PCDHA6: variants seen among roughly 807,000 people sequenced by gnomAD.
PCDHA6 encodes the protein protocadherin alpha 6.
PCDHA6 carries 55 observed loss-of-function variants against 60.3 expected under a neutral mutation model. That is an observed-to-expected ratio of 0.91 (90% CI 0.73 to 1.14). PCDHA6 has a LOEUF of 1.14. PCDHA6 is among the 50% of genes most tolerant of loss of function. PCDHA6 has a pLI of 0.00. For missense variants in PCDHA6, 1,327 were observed against 1,256.5 expected, an observed-to-expected ratio of 1.06 and a Z score of -0.85; for synonymous variants, 652 against 557.9, an observed-to-expected ratio of 1.17 and a Z score of -2.38.
chr5:140,841,711 G>T (rs1385576183), intron 1 of PCDHA6: 3 of 1,613,772 alleles, frequency 1.9e-6, no homozygotes, highest in South Asian at 1.1e-5. Context: ...ATGACAACCC[G>T]CCAGTGTTCC....
Position 140,891,839 on chromosome 5 carries a change from T to C in PCDHA6, c.2394+61354T>C, listed in dbSNP as rs10074902. Among the ~76,000 whole-genome samples, 663 of 152,284 alleles carry C rather than the reference T, an allele frequency of 4.4e-3. 7 individuals carry two copies. The highest frequency in any genetic ancestry group is 0.015 in the African/African-American group (618 of 41,564). On this transcript the variant is annotated intron_variant, in intron 1 of 3. Coordinates refer to ENST00000529310, the MANE Select transcript of PCDHA6 (RefSeq NM_018909.4). ...TTAACGGCACTGTAAAAGGACTTGA[T>C]GGAAGGAGCCTGTCCCTCTCTTATG...
chr5:140,921,634 T>C (rs1324251436), intron 1 of PCDHA6, among the ~76,000 whole-genome samples: 1 of 152,220 alleles, frequency 6.6e-6, no homozygotes, highest in Non-Finnish European at 1.5e-5. Context: ...ATCATTATGG[T>C]AGCTATTTTA....
chr5:140,982,300 GCTT>G, intron 2 of PCDHA6, 172 bp from the exon 3 acceptor site: 2 of 1,204,624 alleles, frequency 1.7e-6, no homozygotes, highest in Non-Finnish European at 1.1e-6. Context: ...AGTCAGCAAT[GCTT>G]CTGCAGTTTA....
At chr5:140,884,152 T>G (rs1279761986) in intron 1 of PCDHA6, 7 of 1,613,332 alleles carry the variant, frequency 4.3e-6, no homozygotes, top group East Asian at 2.2e-5. Context: ...GGCTGTACAC[T>G]GGCGAGATCA....
At chr5:140,936,153 A>G (rs539421853) in intron 1 of PCDHA6, among the ~76,000 whole-genome samples, 1 of 152,284 alleles carries the variant, frequency 6.6e-6, no homozygotes, top group Admixed American at 6.5e-5. Flanking sequence ...TTGGCCTCCT[A>G]AAGTGCTGGG....
At chr5:140,910,105 T>C (rs1021391817) in intron 1 of PCDHA6, among the ~76,000 whole-genome samples, 11 of 152,202 alleles carry the variant, frequency 7.2e-5, no homozygotes, top group African/African-American at 2.7e-4. Flanking sequence ...CCCCTTCATT[T>C]AAGGGATTCT....
At chr5:140,850,495 T>A (rs2150486434) in intron 1 of PCDHA6, 3 of 1,597,906 alleles carry the variant, frequency 1.9e-6, no homozygotes, top group South Asian at 2.2e-5. Flanking sequence ...ACTGTGCTGG[T>A]GTCGCTGGTG....
chr5:140,912,064 A>G (rs1388725837), intron 1 of PCDHA6, among the ~76,000 whole-genome samples: 10 of 152,216 alleles, frequency 6.6e-5, no homozygotes, highest in Non-Finnish European at 1.0e-4. Flanking sequence ...TTGGAGTCCA[A>G]TGTTCAAGGG....
intron 1 of PCDHA6, chr5:140,871,371 G>T: frequency 6.2e-7 from 1 of 1,614,202 alleles, no homozygotes; most frequent in Non-Finnish European, 8.5e-7. Context: ...GGCGGCAGAG[G>T]GTGTGCTCTG....
intron 1 of PCDHA6, among the ~76,000 whole-genome samples, chr5:140,972,738 A>G (rs918730708): frequency 1.4e-5 from 2 of 142,600 alleles, no homozygotes; most frequent in Non-Finnish European, 3.0e-5. Context: ...ATCCCGGCTC[A>G]CTGCAACCTC....
intron 1 of PCDHA6, among the ~76,000 whole-genome samples, chr5:140,952,541 T>G (rs1554220493): frequency 6.6e-6 from 1 of 152,140 alleles, no homozygotes; most frequent in African/African-American, 2.4e-5. Flanking sequence ...CTGGACTTCT[T>G]TGTCCATTTC....
At chr5:140,887,130 T>C (rs1164233833) in intron 1 of PCDHA6, among the ~76,000 whole-genome samples, 1 of 151,716 alleles carries the variant, frequency 6.6e-6, no homozygotes, top group African/African-American at 2.4e-5. Context: ...GGAGTCTCAC[T>C]CTGTCGCCCA....
intron 1 of PCDHA6, chr5:140,876,762 G>A (rs1554168889): frequency 3.7e-6 from 6 of 1,614,252 alleles, no homozygotes; most frequent in Non-Finnish European, 5.1e-6. Flanking sequence ...CGCGGGATGG[G>A]GGCTCGCCTT....
intron 1 of PCDHA6, chr5:140,877,288 T>C (rs782747810): frequency 1.9e-6 from 3 of 1,613,908 alleles, no homozygotes; most frequent in Non-Finnish European, 2.5e-6. Context: ...CTATAACGCT[T>C]GGCTGTCCTA....
chr5:140,877,375 C>T (rs782650940), intron 1 of PCDHA6: 4 of 1,614,006 alleles, frequency 2.5e-6, no homozygotes, highest in South Asian at 1.1e-5. Flanking sequence ...CAGCACGACA[C>T]GCATCCTGGA....
chr5:140,993,949 T>C (rs1330727166), intron 3 of PCDHA6, among the ~76,000 whole-genome samples: 1 of 152,204 alleles, frequency 6.6e-6, no homozygotes, highest in Non-Finnish European at 1.5e-5. Flanking sequence ...TGTTAAGTGA[T>C]ACATGACTGT....
intron 1 of PCDHA6, among the ~76,000 whole-genome samples, chr5:140,904,556 T>A (rs1360933277): frequency 5.3e-5 from 8 of 151,780 alleles, no homozygotes; most frequent in Admixed American, 5.3e-4. Context: ...ATATAATGAC[T>A]TTTTTTTCCT....
At chr5:140,909,353 T>C (rs2074452823) in intron 1 of PCDHA6, among the ~76,000 whole-genome samples, 1 of 152,156 alleles carries the variant, frequency 6.6e-6, no homozygotes, top group Non-Finnish European at 1.5e-5. Flanking sequence ...CCAAGAGATG[T>C]GTTAATTTGT....
At chr5:140,927,668 A>T in intron 1 of PCDHA6, 1 of 1,614,208 alleles carries the variant, frequency 6.2e-7, no homozygotes, top group Non-Finnish European at 8.5e-7. Flanking sequence ...CAAGCCTTGG[A>T]TCCAGATGAA....
Sources: allele counts gnomAD v4.1 joint callset (sites outside exome capture counted in the v4.1 genomes callset), GRCh38; gene constraint gnomAD v4.1.1; transcripts MANE v1.5; gene names NCBI Gene and HGNC (gene_info 2026-07-23, HGNC 2026-07-21).